KDM4B: variants seen among roughly 807,000 people sequenced by gnomAD.
The protein encoded by KDM4B is lysine-specific demethylase 4B.
In KDM4B, 32 loss-of-function variants were observed where a neutral mutation model predicts 125.2. The observed-to-expected ratio is 0.26, with a 90% CI of 0.19 to 0.34. The LOEUF (loss-of-function observed/expected upper bound fraction) is 0.34, where lower values mean the gene tolerates loss of function less well. Ranked by LOEUF, KDM4B falls within the 10% of genes least tolerant of loss-of-function variation. KDM4B has a pLI of 1.00. For synonymous variants in KDM4B, 721 were observed against 677.9 expected (o/e 1.06, Z -0.99); for missense variants, 1,190 against 1,577.7 (o/e 0.75, Z 4.16).
chr19:5,148,879 C>T (rs567711656), intron 21 of KDM4B, among the ~76,000 whole-genome samples: 30 of 152,322 alleles, frequency 2.0e-4, no homozygotes, highest in Admixed American at 5.2e-4. Context: ...ATGGGTAGGA[C>T]GGGGCAGAGG....
chr19:5,135,227 C>T (rs1245950966), intron 14 of KDM4B, 112 bp from the exon 15 acceptor site: 2 of 687,354 alleles, frequency 2.9e-6, no homozygotes, highest in Non-Finnish European at 5.0e-6. Context: ...CCTCCCCCTC[C>T]AGAGCCAGGG....
intron 6 of KDM4B, among the ~76,000 whole-genome samples, chr19:5,059,997 G>A (rs966483810): frequency 1.3e-5 from 2 of 152,182 alleles, no homozygotes; most frequent in Non-Finnish European, 2.9e-5. Context: ...GCAGCTTCTC[G>A]AATTCTCTGC....
chr19:5,085,991 G>A (rs746817344), intron 9 of KDM4B, among the ~76,000 whole-genome samples: 86 of 152,292 alleles, frequency 5.6e-4, no homozygotes, highest in Non-Finnish European at 1.0e-3. Context: ...CCAGATTGGA[G>A]AGAAGGGGCA....
intron 6 of KDM4B, among the ~76,000 whole-genome samples, chr19:5,061,555 A>G (rs2037597993): frequency 6.6e-6 from 1 of 152,166 alleles, no homozygotes; most frequent in Non-Finnish European, 1.5e-5. Context: ...ATGAGGCTCC[A>G]TGAAAGAAGA....
chr19:4,970,680 C>T (rs2034225381), intron 1 of KDM4B, among the ~76,000 whole-genome samples: 1 of 145,968 alleles, frequency 6.9e-6, no homozygotes, highest in Non-Finnish European at 1.5e-5. Context: ...ATAATAGCTT[C>T]CTTATGAGCC....
intron 9 of KDM4B, among the ~76,000 whole-genome samples, chr19:5,093,838 G>A (rs1329293226): frequency 6.6e-6 from 1 of 152,230 alleles, no homozygotes; most frequent in Non-Finnish European, 1.5e-5. Context: ...GACAGGACAC[G>A]AACAAGGGTG....
intron 21 of KDM4B, among the ~76,000 whole-genome samples, chr19:5,149,130 C>A (rs556813384): frequency 6.6e-6 from 1 of 152,240 alleles, no homozygotes; most frequent in African/African-American, 2.4e-5. Flanking sequence ...GTCACAGGGA[C>A]CGGCAGGCTT....
At chr19:5,062,773 C>CGG (rs1385595137) in intron 6 of KDM4B, among the ~76,000 whole-genome samples, 1 of 109,234 alleles carries the variant, frequency 9.2e-6, no homozygotes, top group Non-Finnish European at 1.9e-5. Flanking sequence ...TATAATTAAA[C>CGG]TGTTTTTTTT....
At chr19:5,117,023 C>T (rs2039270099) in intron 10 of KDM4B, among the ~76,000 whole-genome samples, 3 of 152,132 alleles carry the variant, frequency 2.0e-5, no homozygotes, top group South Asian at 2.1e-4. Flanking sequence ...TGATGGCTGC[C>T]CCTCTGCCGT....
intron 3 of KDM4B, 70 bp from the exon 4 acceptor site, chr19:5,039,766 G>A: frequency 6.5e-7 from 1 of 1,539,322 alleles, no homozygotes; most frequent in Non-Finnish European, 8.9e-7. Context: ...GGGAGCCGGT[G>A]GCACAGTCTG....
At chr19:5,034,998 T>C (rs989756065) in intron 3 of KDM4B, among the ~76,000 whole-genome samples, 1 of 152,174 alleles carries the variant, frequency 6.6e-6, no homozygotes, top group African/African-American at 2.4e-5. Flanking sequence ...GATTTTTGAT[T>C]GTAACACACC....
At chr19:5,080,073 C>T (rs948555480) in intron 8 of KDM4B, among the ~76,000 whole-genome samples, 2 of 152,220 alleles carry the variant, frequency 1.3e-5, no homozygotes, top group Non-Finnish European at 2.9e-5. Context: ...TATTTTCTGC[C>T]GCGTGCTCGT....
intron 10 of KDM4B, 74 bp downstream of exon 10, chr19:5,110,892 T>G: frequency 1.6e-6 from 2 of 1,254,944 alleles, no homozygotes; most frequent in Admixed American, 5.7e-5. Flanking sequence ...CCCAGGCCCC[T>G]TCCCACTGGC....
intron 5 of KDM4B, among the ~76,000 whole-genome samples, chr19:5,045,994 A>C (rs1464746340): frequency 6.6e-6 from 1 of 152,028 alleles, no homozygotes. Context: ...ATCAGTTGTG[A>C]CTTGCAAGTA....
Position 5,144,657 on chromosome 19 carries a change from C to T in KDM4B, c.2902-126C>T, listed in dbSNP as rs573463976. 3.6e-6 allele frequency: 5 copies of T among 1,394,968 alleles called. No individual in the cohort carries two copies. The South Asian group carries it at 6.7e-5, about 19-fold the overall frequency. 86.4% of individuals were successfully genotyped at this position (1,394,968 alleles called of 1,614,324 possible). A position where few individuals can be genotyped will look rare whatever the true frequency, so the allele number is the denominator to read the frequency against. ...CTGCACCGCCCCGCTACCCCGGGCC[C>T]CCGCAGCCAGCTTTGGGGCTTCAGG... On this transcript the variant is annotated intron_variant, in intron 20 of 22. Transcript: ENST00000159111.
chr19:5,016,589 G>C (rs1297620802), intron 2 of KDM4B, among the ~76,000 whole-genome samples: 1 of 152,186 alleles, frequency 6.6e-6, no homozygotes, highest in Non-Finnish European at 1.5e-5. Context: ...CGAACCACCC[G>C]ACTCTCACTT....
chr19:5,010,492 C>T (rs760051499), intron 1 of KDM4B, among the ~76,000 whole-genome samples: 3 of 152,118 alleles, frequency 2.0e-5, no homozygotes, highest in Non-Finnish European at 4.4e-5. Flanking sequence ...TTTTGCTCAC[C>T]AATTTTTACA....
Position 5,033,535 on chromosome 19 carries a change from G to A in KDM4B, c.141+504G>A, listed in dbSNP as rs557541220. 5.3e-5 allele frequency among the ~76,000 whole-genome samples: 8 copies of A among 151,524 alleles called. No homozygotes were observed. The South Asian group carries it at 8.4e-4, about 16-fold the overall frequency. Reference sequence around the variant, plus strand: ...TTAGAGGCTGCAATGAGCTATGACCGTGCTACTGCGCTCCTGCCCCGGCAG... The same window carrying A: ...TTAGAGGCTGCAATGAGCTATGACCATGCTACTGCGCTCCTGCCCCGGCAG... On this transcript the variant is annotated intron_variant, in intron 3 of 22. Transcript: ENST00000159111.
At chr19:5,087,851 C>T (rs866403201) in intron 9 of KDM4B, among the ~76,000 whole-genome samples, 17 of 152,216 alleles carry the variant, frequency 1.1e-4, no homozygotes, top group Non-Finnish European at 2.1e-4. Flanking sequence ...AGGATGGACC[C>T]TGGCTTTGGG....
Sources: gnomAD v4.1 joint callset for allele counts (sites outside exome capture counted in the v4.1 genomes callset) on GRCh38, gnomAD v4.1.1 for gene constraint, MANE v1.5 for transcripts, NCBI Gene and HGNC (gene_info 2026-07-23, HGNC 2026-07-21) for gene names.